CNST: variants seen among roughly 807,000 people sequenced by gnomAD.
CNST encodes the protein consortin.
A neutral mutation model predicts 72.4 loss-of-function variants in CNST; 39 were observed. That is an observed-to-expected ratio of 0.54 (90% CI 0.42 to 0.70). The LOEUF (loss-of-function observed/expected upper bound fraction) is 0.70, where lower values mean the gene tolerates loss of function less well. Ranked by LOEUF, CNST falls within the 30% of genes least tolerant of loss-of-function variation. The pLI, the probability that CNST is intolerant of heterozygous loss-of-function variation, is 0.00. For missense variants in CNST, 871 were observed against 868.5 expected, an observed-to-expected ratio of 1.00 and a Z score of -0.04; for synonymous variants, 332 against 320.1, an observed-to-expected ratio of 1.04 and a Z score of -0.40.
Position 246,566,662 on chromosome 1 carries a change from A to C in CNST, c.-53A>C, listed in dbSNP as rs1659701687. The stretch of plus-strand genomic sequence containing the variant: ...AGCCCTCCTTGCGCCTCCGATTCCC[A>C]GGTGAGGAGAGGAGGAGCGGGATGC... On this transcript the variant is annotated splice_region_variant and 5_prime_UTR_variant, in exon 1 of 11. Transcript: ENST00000366513. The C allele has an allele frequency of 1.0e-5, 4 of 401,952 alleles. No individual in the cohort carries two copies. The highest frequency in any genetic ancestry group is 1.8e-5 in the Non-Finnish European group (4 of 227,848). The allele number at this position is 401,952 out of a possible 1,614,324, so 24.9% of individuals were successfully genotyped here.
chr1:246,633,920 T>G lies in CNST; in HGVS notation c.617-4T>G. ...TTTCTATTTTCCTTAAATGTTCTATTCAGATGAGAAAGCAATGAAATTCAT... is the reference window on the plus strand; with the variant it reads ...TTTCTATTTTCCTTAAATGTTCTATGCAGATGAGAAAGCAATGAAATTCAT... On this transcript the variant is annotated splice_region_variant and splice_polypyrimidine_tract_variant and intron_variant, in intron 4 of 10. Transcript: ENST00000366513. 1 of 1,584,894 alleles carries G rather than the reference T, an allele frequency of 6.3e-7. No individual in the cohort carries two copies. The highest frequency in any genetic ancestry group is 8.7e-7 in the Non-Finnish European group (1 of 1,153,450).
intron 1 of CNST, among the ~76,000 whole-genome samples, chr1:246,574,741 C>T (rs1481130547): frequency 6.6e-6 from 1 of 152,088 alleles, no homozygotes; most frequent in African/African-American, 2.4e-5. Context: ...TCAGATTTTT[C>T]AAGGAATATG....
At chr1:246,586,400 TATAAC>T (rs1471017841) in intron 1 of CNST, among the ~76,000 whole-genome samples, 1 of 147,462 alleles carries the variant, frequency 6.8e-6, no homozygotes, top group East Asian at 1.9e-4. Context: ...ATATCAAATA[TATAAC>T]ATATCTTTTA....
intron 2 of CNST, among the ~76,000 whole-genome samples, chr1:246,600,385 T>G (rs1215242662): frequency 6.6e-6 from 1 of 152,228 alleles, no homozygotes. Context: ...AGAAGATTCC[T>G]CAGTCTGCAG....
intron 6 of CNST, among the ~76,000 whole-genome samples, chr1:246,635,997 T>A (rs1272819627): frequency 1.3e-5 from 2 of 152,212 alleles, no homozygotes; most frequent in African/African-American, 4.8e-5. Flanking sequence ...TAAGCCTGGG[T>A]TCCCCATATC....
chr1:246,663,374 CA>C (rs1337875606), intron 10 of CNST, among the ~76,000 whole-genome samples: 3 of 150,980 alleles, frequency 2.0e-5, no homozygotes, highest in Non-Finnish European at 4.4e-5. Context: ...CCGAACTGTC[CA>C]AAAAAATACA....
At chr1:246,625,408 TTC>T (rs1664346965) in intron 3 of CNST, among the ~76,000 whole-genome samples, 1 of 141,100 alleles carries the variant, frequency 7.1e-6, no homozygotes, top group Admixed American at 8.0e-5. Context: ...GTCTAATTAT[TTC>T]TTTCTTTTTT....
At chr1:246,617,902 AATTCT>A (rs1054187394) in intron 2 of CNST, among the ~76,000 whole-genome samples, 1 of 152,216 alleles carries the variant, frequency 6.6e-6, no homozygotes, top group Non-Finnish European at 1.5e-5. Flanking sequence ...GCCACGATAG[AATTCT>A]ATTCTAAGAG....
Position 246,586,224 on chromosome 1 carries a change from A to G in CNST, c.-51-5288A>G, listed in dbSNP as rs539244154. 3.2e-3 allele frequency among the ~76,000 whole-genome samples: 478 copies of G among 147,432 alleles called. 6 individuals carry two copies. The highest frequency in any genetic ancestry group is 0.011 in the African/African-American group (448 of 40,508). ...ATCTTTATTATATAGTATATATAATATATACCTTTTATTATATCTGATATA... is the reference window on the plus strand; with the variant it reads ...ATCTTTATTATATAGTATATATAATGTATACCTTTTATTATATCTGATATA... On this transcript the variant is annotated intron_variant, in intron 1 of 10. Transcript: ENST00000366513.
rs1667401345 is a variant in CNST, at chr1:246,666,654, T to A, written c.*749T>A. 6.6e-6 allele frequency: 1 copy of A among 152,188 alleles called. No individual in the cohort carries two copies. Among genetic ancestry groups the A allele is most frequent in the South Asian group, 2.1e-4 (1 of 4,828 alleles). 9.4% of individuals were successfully genotyped at this position (152,188 alleles called of 1,614,324 possible). ...TCAATTAACTTGATTAGCCAGAAAT[T>A]AATCACAGGCCTAGAGACCAAAGAA... On this transcript the variant is annotated 3_prime_UTR_variant, in exon 11 of 11. Coordinates refer to ENST00000366513, the MANE Select transcript of CNST (RefSeq NM_152609.3).
chr1:246,585,889 G>A (rs1308990969), intron 1 of CNST, among the ~76,000 whole-genome samples: 1 of 151,920 alleles, frequency 6.6e-6, no homozygotes, highest in African/African-American at 2.4e-5. Flanking sequence ...AGACCAGCCT[G>A]GGCAACATAG....
At chr1:246,628,357 A>G (rs187072870) in intron 3 of CNST, among the ~76,000 whole-genome samples, 126 of 152,326 alleles carry the variant, frequency 8.3e-4, no homozygotes, top group Non-Finnish European at 1.2e-3. Flanking sequence ...TGACTGTAGG[A>G]CCATTAACAG....
chr1:246,638,717 T>G (rs1462782607), intron 6 of CNST, among the ~76,000 whole-genome samples: 1 of 152,098 alleles, frequency 6.6e-6, no homozygotes, highest in Non-Finnish European at 1.5e-5. Flanking sequence ...AGGAAGGAAC[T>G]GCCATCTACA....
intron 4 of CNST, 112 bp from the exon 5 acceptor site, chr1:246,633,812 T>G (rs1318215335): frequency 3.1e-6 from 2 of 647,162 alleles, no homozygotes; most frequent in African/African-American, 3.7e-5. Flanking sequence ...TTTAGAGTCC[T>G]CTCATGTTTT....
Position 246,654,802 on chromosome 1 carries a change from A to G in CNST, c.1837-5397A>G, listed in dbSNP as rs146875449. ...AACAAGTATTTGCTAGGTGCTATCT[A>G]TATGTAAATTGCTTATCTGTGTTTT... On this transcript the variant is annotated intron_variant, in intron 9 of 10. Coordinates refer to ENST00000366513, the MANE Select transcript of CNST (RefSeq NM_152609.3). Among the ~76,000 whole-genome samples the G allele has an allele frequency of 1.4e-3, 198 of 142,676 alleles. 1 individual carries two copies. The highest frequency in any genetic ancestry group is 5.0e-3 in the African/African-American group (189 of 38,030). The allele number at this position is 142,676 out of a possible 152,430, so 93.6% of individuals were successfully genotyped here.
chr1:246,652,408 T>A (rs1666497927), intron 9 of CNST, among the ~76,000 whole-genome samples: 1 of 152,222 alleles, frequency 6.6e-6, no homozygotes, highest in Non-Finnish European at 1.5e-5. Flanking sequence ...CAAGTGAGGT[T>A]GAAATTGAAT....
At chr1:246,660,439 A>G (rs974505783) in intron 10 of CNST, 105 bp downstream of exon 10, 34 of 1,308,516 alleles carry the variant, frequency 2.6e-5, no homozygotes, top group Non-Finnish European at 3.4e-5. Context: ...GTAAAAGACT[A>G]TGTCCGCCAG....
intron 1 of CNST, among the ~76,000 whole-genome samples, chr1:246,572,541 A>C (rs906755713): frequency 3.5e-5 from 5 of 144,136 alleles, no homozygotes; most frequent in Non-Finnish European, 7.7e-5. Flanking sequence ...TTTAGAGATG[A>C]GATCTCACTG....
chr1:246,649,271 A>G (rs1666316237), intron 9 of CNST, among the ~76,000 whole-genome samples: 1 of 151,646 alleles, frequency 6.6e-6, no homozygotes, highest in Non-Finnish European at 1.5e-5. Flanking sequence ...GATGGTGGTG[A>G]TGGTACACGT....
Sources: allele counts gnomAD v4.1 joint callset (sites outside exome capture counted in the v4.1 genomes callset), GRCh38; gene constraint gnomAD v4.1.1; transcripts MANE v1.5; gene names NCBI Gene and HGNC (gene_info 2026-07-23, HGNC 2026-07-21).